Variants in MYT1L observed in about 807,000 individuals in gnomAD.
The protein encoded by MYT1L is myelin transcription factor 1-like protein.
Under a neutral mutation model 126.7 loss-of-function variants are expected in MYT1L, and 12 were observed. That is an observed-to-expected ratio of 0.09 (90% CI 0.06 to 0.15). MYT1L has a LOEUF of 0.15. Ranked by LOEUF, MYT1L falls within the 10% of genes least tolerant of loss-of-function variation. The pLI, the probability that MYT1L is intolerant of heterozygous loss-of-function variation, is 1.00. For synonymous variants in MYT1L, 541 were observed against 604.2 expected (o/e 0.90, Z 1.53); for missense variants, 979 against 1,585.2 (o/e 0.62, Z 6.49).
At chr2:2,265,316 T>A (rs2095097787) in intron 2 of MYT1L, among the ~76,000 whole-genome samples, 1 of 152,134 alleles carries the variant, frequency 6.6e-6, no homozygotes, top group South Asian at 2.1e-4. Flanking sequence ...CCCATCCTTT[T>A]TTTTTTTCCT....
intron 2 of MYT1L, among the ~76,000 whole-genome samples, chr2:2,197,500 T>C (rs1368089690): frequency 2.0e-5 from 3 of 149,148 alleles, no homozygotes; most frequent in Non-Finnish European, 4.5e-5. Flanking sequence ...CACACACACA[T>C]GCATACAACG....
intron 2 of MYT1L, among the ~76,000 whole-genome samples, chr2:2,277,271 C>T (rs1259883796): frequency 4.6e-5 from 7 of 152,092 alleles, no homozygotes; most frequent in East Asian, 1.9e-4. Context: ...TGCCTGGCCC[C>T]GATTGATTCT....
At position 1,902,972 on chromosome 2, in the gene MYT1L, C is replaced by T. The variant is rs187953951; in HGVS notation, c.2032+108G>A. The T allele has an allele frequency of 1.9e-3, 1,919 of 1,005,952 alleles. 5 individuals carry two copies. Among genetic ancestry groups the T allele is most frequent in the Non-Finnish European group, 2.3e-3 (1,534 of 654,274 alleles). The allele number at this position is 1,005,952 out of a possible 1,614,324, so 62.3% of individuals were successfully genotyped here. A position where few individuals can be genotyped will look rare whatever the true frequency, so the allele number is the denominator to read the frequency against. On this transcript the variant is annotated intron_variant, in intron 14 of 24. Transcript: ENST00000647738. Reference sequence around the variant, plus strand: ...ATGAAAGTCCTGTTCTTTTGGTACCCATTGAGTGACCACCACCGCTCAACT... The same window carrying T: ...ATGAAAGTCCTGTTCTTTTGGTACCTATTGAGTGACCACCACCGCTCAACT...
intron 2 of MYT1L, among the ~76,000 whole-genome samples, chr2:2,220,118 T>G (rs2093814268): frequency 6.6e-6 from 1 of 152,140 alleles, no homozygotes. Flanking sequence ...TCTAACTCTG[T>G]GAAATATTTG....
At chr2:2,252,177 G>C (rs186003810) in intron 2 of MYT1L, among the ~76,000 whole-genome samples, 1 of 152,102 alleles carries the variant, frequency 6.6e-6, no homozygotes, top group Non-Finnish European at 1.5e-5. Context: ...TCCTGGCTTC[G>C]TTCTCAAGGA....
chr2:2,117,438 G>A (rs1041428527), intron 3 of MYT1L, among the ~76,000 whole-genome samples: 1 of 152,122 alleles, frequency 6.6e-6, no homozygotes, highest in African/African-American at 2.4e-5. Context: ...GGACTTCAGT[G>A]GGCATCGTTG....
intron 3 of MYT1L, among the ~76,000 whole-genome samples, chr2:2,117,402 TCC>T (rs1346830569): frequency 2.6e-5 from 4 of 152,146 alleles, no homozygotes; most frequent in Non-Finnish European, 5.9e-5. Flanking sequence ...CCCTCAGGGA[TCC>T]TGAGGGTCTC....
chr2:2,282,002 T>C (rs1358336411), intron 2 of MYT1L, among the ~76,000 whole-genome samples: 1 of 152,220 alleles, frequency 6.6e-6, no homozygotes. Flanking sequence ...TAGCTTTCTT[T>C]AATGGTAGTG....
Position 1,887,407 on chromosome 2 carries a change from T to C in MYT1L, c.2642+81A>G. On this transcript the variant is annotated intron_variant, in intron 17 of 24. Coordinates refer to ENST00000647738, the MANE Select transcript of MYT1L (RefSeq NM_001303052.2). This position sits in a 1 kb window ranked among gnomAD's most constrained non-coding sequence, Gnocchi z 4.8. ...TGTCGCATGCTCAAACGGCAAGGCA[T>C]ATACAGATCCAGTTTTAAAAAATCA... 1.2e-5 allele frequency: 19 copies of C among 1,580,528 alleles called. No homozygotes were observed. Among genetic ancestry groups the C allele is most frequent in the Non-Finnish European group, 1.7e-5 (19 of 1,151,054 alleles).
chr2:2,101,045 T>TTC (rs1175675576), intron 3 of MYT1L, among the ~76,000 whole-genome samples: 1 of 152,218 alleles, frequency 6.6e-6, no homozygotes, highest in African/African-American at 2.4e-5. Context: ...ATGGCAAGGA[T>TTC]TCCTCTCTTT....
intron 2 of MYT1L, among the ~76,000 whole-genome samples, chr2:2,203,687 A>G (rs964970796): frequency 6.6e-6 from 1 of 152,164 alleles, no homozygotes; most frequent in Non-Finnish European, 1.5e-5. Flanking sequence ...CATACTGCCC[A>G]AGGTAATTTA....
At chr2:1,999,954 C>T (rs552632380) in intron 4 of MYT1L, among the ~76,000 whole-genome samples, 11 of 152,312 alleles carry the variant, frequency 7.2e-5, no homozygotes, top group Admixed American at 2.0e-4. Context: ...ATAAAGCATG[C>T]TCATTGGTGG....
chr2:1,966,192 C>T (rs1173770226), intron 8 of MYT1L, among the ~76,000 whole-genome samples: 1 of 152,240 alleles, frequency 6.6e-6, no homozygotes, highest in African/African-American at 2.4e-5. Flanking sequence ...CAGGATTAGC[C>T]TGGGAGGCAG....
At chr2:1,858,152 C>A (rs1364772843) in intron 18 of MYT1L, among the ~76,000 whole-genome samples, 1 of 152,224 alleles carries the variant, frequency 6.6e-6, no homozygotes, top group Admixed American at 6.5e-5. Context: ...GCGTAAGCCA[C>A]CACACACAGC....
chr2:2,132,769 A>C (rs930762139), intron 3 of MYT1L, among the ~76,000 whole-genome samples: 1 of 152,198 alleles, frequency 6.6e-6, no homozygotes, highest in Admixed American at 6.5e-5. Context: ...AGACAAAGAG[A>C]GAGAAAGAAT....
chr2:1,863,105 G>A (rs79497496), intron 18 of MYT1L, among the ~76,000 whole-genome samples: 134 of 152,310 alleles, frequency 8.8e-4, no homozygotes, highest in Non-Finnish European at 1.7e-3. Flanking sequence ...GATGGTGGTA[G>A]CTTTGGGGCT....
intron 2 of MYT1L, among the ~76,000 whole-genome samples, chr2:2,243,787 G>A (rs2094481194): frequency 6.6e-6 from 1 of 152,178 alleles, no homozygotes; most frequent in Non-Finnish European, 1.5e-5. Context: ...AAGTAGTGGA[G>A]TCACTTTTGG....
At chr2:1,827,017 C>G (rs974383968) in intron 21 of MYT1L, 2 of 152,262 alleles carry the variant, frequency 1.3e-5, no homozygotes, top group East Asian at 1.9e-4. Context: ...CCTGCTGGTG[C>G]CCCAGACCCC....
intron 2 of MYT1L, among the ~76,000 whole-genome samples, chr2:2,249,157 T>A (rs2094588459): frequency 6.6e-6 from 1 of 151,880 alleles, no homozygotes; most frequent in Non-Finnish European, 1.5e-5. Context: ...ACTAATAAAT[T>A]TAAAAAATAA....
Sources: allele counts gnomAD v4.1 joint callset (sites outside exome capture counted in the v4.1 genomes callset), GRCh38; gene constraint gnomAD v4.1.1; non-coding constraint Gnocchi (gnomAD v3.1); transcripts MANE v1.5; gene names NCBI Gene and HGNC (gene_info 2026-07-23, HGNC 2026-07-21).